CYP19A1: variants seen among roughly 807,000 people sequenced by gnomAD.
CYP19A1 encodes the protein cytochrome P450 family 19 subfamily A member 1.
Under a neutral mutation model 44.4 loss-of-function variants are expected in CYP19A1, and 32 were observed. The observed-to-expected ratio is 0.72, with a 90% CI of 0.54 to 0.97. The LOEUF (loss-of-function observed/expected upper bound fraction) is 0.97. Ranked by LOEUF, CYP19A1 falls within the 50% of genes least tolerant of loss-of-function variation. The pLI is 0.00. For synonymous variants in CYP19A1, 212 were observed against 215.6 expected (o/e 0.98, Z 0.14); for missense variants, 598 against 637.8 (o/e 0.94, Z 0.67).
At chr15:51,302,538 C>G (rs532053118) in intron 1 of CYP19A1, among the ~76,000 whole-genome samples, 1 of 152,212 alleles carries the variant, frequency 6.6e-6, no homozygotes, top group Non-Finnish European at 1.5e-5. Context: ...GCAGGCAAAG[C>G]GTGATCCTTG....
intron 1 of CYP19A1, among the ~76,000 whole-genome samples, chr15:51,333,158 G>A (rs980630061): frequency 2.0e-4 from 31 of 152,162 alleles, no homozygotes; most frequent in African/African-American, 7.2e-4. Context: ...CTAGTGGCTT[G>A]GTTTCATGTG....
At chr15:51,241,712 C>A (rs1009018449) in intron 2 of CYP19A1, among the ~76,000 whole-genome samples, 1 of 152,154 alleles carries the variant, frequency 6.6e-6, no homozygotes, top group African/African-American at 2.4e-5. Flanking sequence ...CTAGAGTTGA[C>A]CCTGTCAGGG....
At chr15:51,270,299 C>A (rs576465886) in intron 1 of CYP19A1, among the ~76,000 whole-genome samples, 1 of 152,196 alleles carries the variant, frequency 6.6e-6, no homozygotes, top group African/African-American at 2.4e-5. Flanking sequence ...GTATCCTGAA[C>A]TGAAACCTTG....
intron 4 of CYP19A1, among the ~76,000 whole-genome samples, chr15:51,226,213 G>T (rs1165025706): frequency 3.3e-5 from 5 of 151,706 alleles, no homozygotes; most frequent in Non-Finnish European, 7.4e-5. Context: ...TCAACCCACT[G>T]TTGATGGCTT....
intron 1 of CYP19A1, among the ~76,000 whole-genome samples, chr15:51,263,610 G>A (rs1167740127): frequency 6.6e-6 from 1 of 152,196 alleles, no homozygotes; most frequent in African/African-American, 2.4e-5. Flanking sequence ...GGGTATAGCT[G>A]ACAGAACAAG....
At chr15:51,271,264 A>C (rs1051273990) in intron 1 of CYP19A1, among the ~76,000 whole-genome samples, 1 of 151,948 alleles carries the variant, frequency 6.6e-6, no homozygotes, top group African/African-American at 2.4e-5. Flanking sequence ...ATGCTCTTTC[A>C]AGCACCTGTG....
At chr15:51,245,685 A>T (rs1232719567) in intron 1 of CYP19A1, among the ~76,000 whole-genome samples, 2 of 152,166 alleles carry the variant, frequency 1.3e-5, no homozygotes, top group Non-Finnish European at 2.9e-5. Flanking sequence ...AAAACAAACA[A>T]CCCCATCAAA....
At chr15:51,288,197 G>A (rs1456835169) in intron 1 of CYP19A1, among the ~76,000 whole-genome samples, 1 of 152,042 alleles carries the variant, frequency 6.6e-6, no homozygotes, top group Non-Finnish European at 1.5e-5. Context: ...TTTGCCTCCT[G>A]TCCCCAGCCC....
At chr15:51,328,422 G>A (rs1302196419) in intron 1 of CYP19A1, among the ~76,000 whole-genome samples, 2 of 152,146 alleles carry the variant, frequency 1.3e-5, no homozygotes, top group Admixed American at 6.5e-5. Flanking sequence ...TCCACTAAAT[G>A]TCAATGGCAT....
intron 4 of CYP19A1, among the ~76,000 whole-genome samples, chr15:51,223,531 C>T (rs747765770): frequency 5.6e-4 from 84 of 150,098 alleles, no homozygotes; most frequent in African/African-American, 1.7e-3. Context: ...ACTTTGTAGA[C>T]GTAACTCCAG....
chr15:51,236,559 G>C (rs2033405804), intron 3 of CYP19A1, among the ~76,000 whole-genome samples: 1 of 152,144 alleles, frequency 6.6e-6, no homozygotes, highest in Non-Finnish European at 1.5e-5. Flanking sequence ...TCTCCCTAAA[G>C]TATGTTTTGT....
intron 1 of CYP19A1, among the ~76,000 whole-genome samples, chr15:51,298,953 G>C (rs1352833424): frequency 1.3e-5 from 2 of 152,232 alleles, no homozygotes; most frequent in East Asian, 3.8e-4. Flanking sequence ...CACATGGCTA[G>C]TGGGAAGTTG....
At chr15:51,226,391 T>C (rs2032581125) in intron 4 of CYP19A1, among the ~76,000 whole-genome samples, 2 of 152,216 alleles carry the variant, frequency 1.3e-5, no homozygotes, top group Admixed American at 6.5e-5. Context: ...CCTACAGAAC[T>C]GTGAGATAAA....
At chr15:51,234,804 T>G (rs2033279179) in intron 3 of CYP19A1, among the ~76,000 whole-genome samples, 1 of 152,174 alleles carries the variant, frequency 6.6e-6, no homozygotes, top group Non-Finnish European at 1.5e-5. Context: ...CCAGAGGTTC[T>G]GATCTAAAAG....
intron 1 of CYP19A1, among the ~76,000 whole-genome samples, chr15:51,315,688 C>G (rs1243381482): frequency 6.6e-6 from 1 of 152,222 alleles, no homozygotes; most frequent in African/African-American, 2.4e-5. Flanking sequence ...AGTGACTATT[C>G]CTCATGCTTC....
At chr15:51,303,240 C>T (rs982114311) in intron 1 of CYP19A1, among the ~76,000 whole-genome samples, 1 of 152,112 alleles carries the variant, frequency 6.6e-6, no homozygotes, top group African/African-American at 2.4e-5. Flanking sequence ...CCCCAGTGAC[C>T]TGCACTCTGA....
chr15:51,245,148 C>G (rs1050687641), intron 1 of CYP19A1, among the ~76,000 whole-genome samples: 2 of 152,216 alleles, frequency 1.3e-5, no homozygotes, highest in African/African-American at 2.4e-5. Context: ...TTGCTTTGCA[C>G]GGTTTTAGCT....
At chr15:51,288,839 C>T (rs1049034044) in intron 1 of CYP19A1, among the ~76,000 whole-genome samples, 2 of 152,178 alleles carry the variant, frequency 1.3e-5, no homozygotes, top group African/African-American at 4.8e-5. Context: ...CCCTCCCAGC[C>T]GGCCCCACCC....
intron 1 of CYP19A1, among the ~76,000 whole-genome samples, chr15:51,245,450 C>T (rs1236670511): frequency 6.6e-6 from 1 of 152,188 alleles, no homozygotes; most frequent in Admixed American, 6.5e-5. Flanking sequence ...ACTAACTCGT[C>T]ATCTGCATGG....
Sources: gnomAD v4.1 joint callset for allele counts (sites outside exome capture counted in the v4.1 genomes callset) on GRCh38, gnomAD v4.1.1 for gene constraint, MANE v1.5 for transcripts, NCBI Gene and HGNC (gene_info 2026-07-23, HGNC 2026-07-21) for gene names.